CDC14B: variants seen among roughly 807,000 people sequenced by gnomAD.
The protein encoded by CDC14B is cell division cycle 14B, also known as dual specificity protein phosphatase CDC14B.
In CDC14B, 22 loss-of-function variants were observed where a neutral mutation model predicts 64.2. The observed-to-expected ratio is 0.34, with a 90% CI of 0.24 to 0.49. CDC14B has a LOEUF of 0.49. Ranked by LOEUF, CDC14B falls within the 20% of genes least tolerant of loss-of-function variation. The pLI, the probability that CDC14B is intolerant of heterozygous loss-of-function variation, is 0.99. For synonymous variants in CDC14B, 191 were observed against 215.8 expected (o/e 0.89, Z 1.01); for missense variants, 498 against 629.9 (o/e 0.79, Z 2.24).
rs1833607174 is a variant in CDC14B, at chr9:96,502,102, TG to T, written c.*1650del. Reference sequence around the variant, plus strand: ...GAAGAGTAGTCTGCCCACAGCCAAGTGGGTCTTTGTGCCTATTCATTTCCAG... The same window carrying T: ...GAAGAGTAGTCTGCCCACAGCCAAGTGGTCTTTGTGCCTATTCATTTCCAG... On this transcript the variant is annotated 3_prime_UTR_variant, in exon 14 of 14. Coordinates refer to ENST00000375241, the MANE Select transcript of CDC14B (RefSeq NM_033331.4). The T allele has an allele frequency of 6.6e-6, 1 of 152,178 alleles. No homozygotes were observed. Among genetic ancestry groups the T allele is most frequent in the Non-Finnish European group, 1.5e-5 (1 of 68,036 alleles). The allele number at this position is 152,178 out of a possible 1,614,324, so 9.4% of individuals were successfully genotyped here.
intron 4 of CDC14B, among the ~76,000 whole-genome samples, chr9:96,554,260 C>T (rs544001815): frequency 6.6e-6 from 1 of 152,230 alleles, no homozygotes; most frequent in South Asian, 2.1e-4. Flanking sequence ...AGAATAGAGT[C>T]TGATTCATCT....
In CDC14B at chr9:96,503,110, G is replaced by C. The variant is rs16911001; in HGVS notation, c.*643C>G. On this transcript the variant is annotated 3_prime_UTR_variant, in exon 14 of 14. Coordinates refer to ENST00000375241, the MANE Select transcript of CDC14B (RefSeq NM_033331.4). ...CATTAATATTCTCTTGCAAGTTTTA[G>C]GTTACTAAGGTACCACCTGGTCTTA... is the stretch of plus-strand genomic sequence containing the variant. 268 of 377,996 alleles carry C rather than the reference G, an allele frequency of 7.1e-4. 1 individual carries two copies. Among genetic ancestry groups the C allele is most frequent in the African/African-American group, 5.2e-3 (250 of 48,256 alleles). The allele number at this position is 377,996 out of a possible 1,614,324, so 23.4% of individuals were successfully genotyped here. A position where few individuals can be genotyped will look rare whatever the true frequency, so the allele number is the denominator to read the frequency against.
chr9:96,581,133 G>A (rs2118338278), intron 1 of CDC14B, among the ~76,000 whole-genome samples: 1 of 152,284 alleles, frequency 6.6e-6, no homozygotes, highest in East Asian at 1.9e-4. Flanking sequence ...AGGAGGCTGA[G>A]GCAGGAGAAT....
intron 1 of CDC14B, among the ~76,000 whole-genome samples, chr9:96,577,537 C>T (rs962878174): frequency 6.6e-6 from 1 of 152,132 alleles, no homozygotes; most frequent in Non-Finnish European, 1.5e-5. Context: ...AATTCTGGCT[C>T]TCCACATCCC....
chr9:96,491,659 T>TGAA (rs1285697606), exon 14 of CDC14B: 2 of 152,192 alleles, frequency 1.3e-5, no homozygotes, highest in African/African-American at 4.8e-5. Context: ...ACTGCGGCTT[T>TGAA]GAAGATTAGC....
chr9:96,584,947 C>G (rs982189260), intron 1 of CDC14B, among the ~76,000 whole-genome samples: 4 of 152,174 alleles, frequency 2.6e-5, no homozygotes, highest in Non-Finnish European at 5.9e-5. Flanking sequence ...TAAGCCACCA[C>G]GCCTGGCCAA....
Position 96,554,716 on chromosome 9 carries a change from GAT to G in CDC14B, c.421-2846_421-2845del, listed in dbSNP as rs570403148. On this transcript the variant is annotated intron_variant, in intron 4 of 13. Transcript: ENST00000375241. ...CAAATCCACTTATATAACTATCAAA[GAT>G]ATATTTGCCAATCTATAACTTTTAC... is the stretch of plus-strand genomic sequence containing the variant. Among the ~76,000 whole-genome samples, 11 of 152,128 alleles carry G rather than the reference GAT, an allele frequency of 7.2e-5. No homozygotes were observed. In the South Asian group the frequency reaches 2.3e-3, roughly 32 times the overall value.
At chr9:96,541,519 T>C (rs534057897) in intron 6 of CDC14B, among the ~76,000 whole-genome samples, 2 of 152,376 alleles carry the variant, frequency 1.3e-5, no homozygotes, top group East Asian at 3.9e-4. Flanking sequence ...TCTTTACTTT[T>C]GTTCTTTTAG....
chr9:96,548,037 G>C (rs2131990495), intron 5 of CDC14B, among the ~76,000 whole-genome samples: 1 of 152,116 alleles, frequency 6.6e-6, no homozygotes, highest in Admixed American at 6.5e-5. Flanking sequence ...GTGTTAGCCA[G>C]GATGGTCTCG....
chr9:96,595,979 T>C (rs1335907360), intron 1 of CDC14B, among the ~76,000 whole-genome samples: 2 of 152,136 alleles, frequency 1.3e-5, no homozygotes, highest in Admixed American at 1.3e-4. Context: ...CTATATAAAA[T>C]ATAACTTTCA....
intron 5 of CDC14B, among the ~76,000 whole-genome samples, chr9:96,542,189 T>C (rs1252147816): frequency 1.3e-5 from 2 of 151,424 alleles, no homozygotes; most frequent in Admixed American, 1.3e-4. Flanking sequence ...CCTTCTTGAA[T>C]TCAACAAATC....
chr9:96,528,740 A>G (rs2131631022), intron 9 of CDC14B, among the ~76,000 whole-genome samples: 1 of 152,246 alleles, frequency 6.6e-6, no homozygotes, highest in East Asian at 1.9e-4. Flanking sequence ...AATTTTCTCC[A>G]CATCTCCACA....
At chr9:96,529,196 A>C (rs1838042896) in intron 9 of CDC14B, among the ~76,000 whole-genome samples, 1 of 152,138 alleles carries the variant, frequency 6.6e-6, no homozygotes, top group South Asian at 2.1e-4. Flanking sequence ...TTTTCCTCTA[A>C]GAGTTTTATA....
chr9:96,514,459 T>C, intron 12 of CDC14B: 3 of 985,444 alleles, frequency 3.0e-6, no homozygotes, highest in Non-Finnish European at 3.6e-6. Context: ...CTTTTATTTG[T>C]AAGATATTCA....
chr9:96,506,813 A>G lies in CDC14B; in HGVS notation c.1460+2860T>C, dbSNP rs1008551928. Among the ~76,000 whole-genome samples the G allele has an allele frequency of 3.3e-5, 5 of 152,330 alleles. No individual in the cohort carries two copies. In the East Asian group the frequency reaches 7.7e-4, roughly 24 times the overall value. ...CAGGAGTTCAGGTTACTAGAGTGAC[A>G]TGAAAACGCAACGAGACCTAGATAG... On this transcript the variant is annotated intron_variant, in intron 13 of 13. Coordinates refer to ENST00000375241, the MANE Select transcript of CDC14B (RefSeq NM_033331.4).
intron 1 of CDC14B, among the ~76,000 whole-genome samples, chr9:96,586,801 G>A (rs1209731157): frequency 6.6e-6 from 1 of 152,116 alleles, no homozygotes; most frequent in African/African-American, 2.4e-5. Flanking sequence ...TAGGGCCTAA[G>A]TTAGCTTTAA....
intron 12 of CDC14B, among the ~76,000 whole-genome samples, chr9:96,518,854 C>T (rs1289890701): frequency 6.6e-6 from 1 of 151,916 alleles, no homozygotes; most frequent in Non-Finnish European, 1.5e-5. Flanking sequence ...AATTATTTTC[C>T]GGCCGGGTGC....
chr9:96,504,069 G>A (rs1030915753), intron 13 of CDC14B, among the ~76,000 whole-genome samples: 4 of 152,062 alleles, frequency 2.6e-5, no homozygotes, highest in Admixed American at 6.5e-5. Flanking sequence ...AAAGACGGAC[G>A]GGCAGGGGCA....
chr9:96,510,608 C>CT lies in CDC14B; in HGVS notation c.1344-820dup, dbSNP rs879292814. Among the ~76,000 whole-genome samples the CT allele has an allele frequency of 5.2e-3, 722 of 138,530 alleles. 3 individuals are homozygous for CT. The highest frequency in any genetic ancestry group is 0.011 in the African/African-American group (402 of 37,808). 90.9% of individuals were successfully genotyped at this position (138,530 alleles called of 152,430 possible). ...ACATCAAAAGATTTTATATGCAATTCTTTTTTTTTTTTTTTGAGATGGAGT... is the reference window on the plus strand; with the variant it reads ...ACATCAAAAGATTTTATATGCAATTCTTTTTTTTTTTTTTTTGAGATGGAGT... On this transcript the variant is annotated intron_variant, in intron 12 of 13. Coordinates refer to ENST00000375241, the MANE Select transcript of CDC14B (RefSeq NM_033331.4).
Sources: gnomAD v4.1 joint callset for allele counts (sites outside exome capture counted in the v4.1 genomes callset) on GRCh38, gnomAD v4.1.1 for gene constraint, MANE v1.5 for transcripts, NCBI Gene and HGNC (gene_info 2026-07-23, HGNC 2026-07-21) for gene names.